DNAH8: variants seen among roughly 807,000 people sequenced by gnomAD.
DNAH8 encodes dynein axonemal heavy chain 8, also known as axonemal beta dynein heavy chain 8.
In DNAH8, 382 loss-of-function variants were observed where a neutral mutation model predicts 562.1. The observed-to-expected ratio is 0.68, with a 90% CI of 0.63 to 0.74. DNAH8 has a LOEUF of 0.74. DNAH8 is among the 30% of genes least tolerant of loss of function. The pLI is 0.00. For missense variants in DNAH8, 5,203 were observed against 5,620.4 expected, an observed-to-expected ratio of 0.93 and a Z score of 2.37; for synonymous variants, 1,881 against 1,919.4, an observed-to-expected ratio of 0.98 and a Z score of 0.52.
Position 38,948,000 on chromosome 6 carries a change from T to C in DNAH8, c.12130-1452T>C, listed in dbSNP as rs546135714. ...TGAGCTCAGGCACTCTGCCCGCCTC[T>C]GCCTCCCAAAGTGCTGGGATTACAG... is the stretch of plus-strand genomic sequence containing the variant. On this transcript the variant is annotated intron_variant, in intron 80 of 92. Coordinates refer to ENST00000327475, the MANE Select transcript of DNAH8 (RefSeq NM_001206927.2). Among the ~76,000 whole-genome samples, 15 of 152,136 alleles carry C rather than the reference T, an allele frequency of 9.9e-5. No individual in the cohort carries two copies. The South Asian group carries it at 3.1e-3, about 32-fold the overall frequency.
chr6:38,781,991 C>G (rs111903785), intron 16 of DNAH8, among the ~76,000 whole-genome samples: 2 of 151,984 alleles, frequency 1.3e-5, no homozygotes, highest in East Asian at 3.9e-4. Flanking sequence ...TGATCTCGTG[C>G]CCTTTGCTGA....
At position 38,904,809 on chromosome 6, in the gene DNAH8, A is replaced by AG. The variant is rs1330179325; in HGVS notation, c.9195-1445_9195-1444insG. Reference sequence around the variant, plus strand: ...CTCCGTCTCAAAAAAAAAAAAAAAAAAAAGAAAGAATCTGAAAATGTTAAG... The same window carrying AG: ...CTCCGTCTCAAAAAAAAAAAAAAAAAGAAAGAAAGAATCTGAAAATGTTAAG... On this transcript the variant is annotated intron_variant, in intron 62 of 92. Transcript: ENST00000327475. 7.9e-5 allele frequency among the ~76,000 whole-genome samples: 12 copies of AG among 151,756 alleles called. No homozygotes were observed. In the East Asian group the frequency reaches 1.5e-3, roughly 20 times the overall value.
At chr6:39,004,050 A>C (rs1184671046) in intron 88 of DNAH8, among the ~76,000 whole-genome samples, 3 of 151,910 alleles carry the variant, frequency 2.0e-5, no homozygotes, top group Admixed American at 2.0e-4. Flanking sequence ...TACCCTAGAA[A>C]TTTTAACGTC....
chr6:38,923,889 AAAG>A, intron 72 of DNAH8, 99 bp from the exon 73 acceptor site: 2 of 1,293,588 alleles, frequency 1.5e-6, no homozygotes, highest in Non-Finnish European at 2.2e-6. Context: ...AAGCAGGGGC[AAAG>A]AAGGATTTCA....
chr6:39,012,498 C>A lies in DNAH8; in HGVS notation c.13575C>A (p.Leu4525=). 6.2e-7 allele frequency: 1 copy of A among 1,614,080 alleles called. No individual in the cohort carries two copies. Among genetic ancestry groups the A allele is most frequent in the Non-Finnish European group, 8.5e-7 (1 of 1,179,968 alleles). ...TGTATGATGCTCGTATACCTCAGCT[C>A]TGGAAAAGAGTGTCTTGGGATTCGT... The part of the protein sequence containing the change: ...DNMYDARIPQ[L]WKRVSWDSST... Residue 4525 remains leucine, a synonymous_variant, in exon 91 of 93, where the codon CTC becomes CTA. Transcript: ENST00000327475.
At chr6:38,994,331 T>G (rs1160498134) in intron 88 of DNAH8, among the ~76,000 whole-genome samples, 11 of 152,216 alleles carry the variant, frequency 7.2e-5, no homozygotes, top group East Asian at 1.9e-4. Context: ...TTAGCGTTGC[T>G]TGTGATTTTC....
At chr6:38,811,359 G>A (rs1446793126) in intron 24 of DNAH8, among the ~76,000 whole-genome samples, 1 of 152,160 alleles carries the variant, frequency 6.6e-6, no homozygotes, top group Admixed American at 6.5e-5. Flanking sequence ...CACTGGACAT[G>A]TGGTTATTTC....
chr6:38,929,422 G>A, intron 74 of DNAH8, 89 bp from the exon 75 acceptor site: 1 of 1,302,056 alleles, frequency 7.7e-7, no homozygotes, highest in Non-Finnish European at 1.0e-6. Flanking sequence ...TAAAATTCTT[G>A]ATTACCTGTC....
Position 38,729,158 on chromosome 6 carries a change from G to A in DNAH8, c.526-744G>A, listed in dbSNP as rs945395267. On this transcript the variant is annotated intron_variant, in intron 3 of 92. Transcript: ENST00000327475. The stretch of plus-strand genomic sequence containing the variant: ...GTAGAGGTTGCAGTGAGCCGAGATC[G>A]CGCTACTGCACTCCAGCCTGGGTGA... 3.9e-5 allele frequency among the ~76,000 whole-genome samples: 6 copies of A among 152,056 alleles called. 1 individual carries two copies. The highest frequency in any genetic ancestry group is 3.3e-4 in the Admixed American group (5 of 15,256).
chr6:39,026,925 T>C (rs1767330085), intron 92 of DNAH8, among the ~76,000 whole-genome samples: 1 of 152,210 alleles, frequency 6.6e-6, no homozygotes, highest in African/African-American at 2.4e-5. Flanking sequence ...TTGTGTTTGC[T>C]AAAAAGGCTT....
chr6:38,818,260 A>G (rs1327775913), intron 26 of DNAH8, among the ~76,000 whole-genome samples: 1 of 152,044 alleles, frequency 6.6e-6, no homozygotes, highest in African/African-American at 2.4e-5. Context: ...AATGTTTGCC[A>G]TTATTCTTTA....
chr6:39,011,004 C>T (rs142022001), intron 89 of DNAH8, among the ~76,000 whole-genome samples: 114 of 152,128 alleles, frequency 7.5e-4, no homozygotes, highest in African/African-American at 2.6e-3. Context: ...CGTCGGACTG[C>T]GTTAGGGACC....
At chr6:38,849,392 C>A (rs1403422698) in intron 37 of DNAH8, among the ~76,000 whole-genome samples, 1 of 152,050 alleles carries the variant, frequency 6.6e-6, no homozygotes, top group Non-Finnish European at 1.5e-5. Context: ...GTAACAAAAC[C>A]TTTAAAACAG....
rs182179994 is a variant in DNAH8, at chr6:39,015,219, G to C, written c.13714+2582G>C. On this transcript the variant is annotated intron_variant, in intron 91 of 92. Transcript: ENST00000327475. The stretch of plus-strand genomic sequence containing the variant: ...AAGGGAGTGGAGTTGGTTCATCCCT[G>C]GCTTTCCATAGTCACGAATGCACAT... Among the ~76,000 whole-genome samples, 3 of 152,218 alleles carry C rather than the reference G, an allele frequency of 2.0e-5. No homozygotes were observed. In the East Asian group the frequency reaches 5.8e-4, roughly 29 times the overall value.
At chr6:38,887,441 C>G (rs1027737659) in intron 57 of DNAH8, among the ~76,000 whole-genome samples, 9 of 151,916 alleles carry the variant, frequency 5.9e-5, no homozygotes, top group African/African-American at 1.5e-4. Flanking sequence ...GTAGGTCAGC[C>G]CATGCCTATA....
chr6:39,008,771 A>T, intron 88 of DNAH8, 43 bp from the exon 89 acceptor site: 1 of 1,285,096 alleles, frequency 7.8e-7, no homozygotes, highest in Non-Finnish European at 1.1e-6. Flanking sequence ...TATCTCTTAC[A>T]TGTTTCCCTG....
chr6:38,869,590 C>T (rs1777309525), intron 48 of DNAH8, among the ~76,000 whole-genome samples: 1 of 152,190 alleles, frequency 6.6e-6, no homozygotes, highest in Non-Finnish European at 1.5e-5. Flanking sequence ...AGTCAGTGTA[C>T]TCAAACCTAC....
intron 82 of DNAH8, among the ~76,000 whole-genome samples, chr6:38,959,000 T>C (rs1011131758): frequency 2.0e-5 from 3 of 152,120 alleles, no homozygotes; most frequent in African/African-American, 4.8e-5. Context: ...GTGTGATATA[T>C]GACAGTAATA....
At chr6:38,860,391 C>T (rs1050391865) in intron 42 of DNAH8, 66 bp from the exon 43 acceptor site, 4 of 919,390 alleles carry the variant, frequency 4.4e-6, no homozygotes, top group African/African-American at 3.5e-5. Context: ...TAAAAACTGC[C>T]CACATGCTTA....
Sources: gnomAD v4.1 joint callset for allele counts (sites outside exome capture counted in the v4.1 genomes callset) on GRCh38, gnomAD v4.1.1 for gene constraint, MANE v1.5 for transcripts, NCBI Gene and HGNC (gene_info 2026-07-23, HGNC 2026-07-21) for gene names.